Variants in OSBPL10 observed in about 807,000 individuals in gnomAD.
OSBPL10 encodes oxysterol binding protein like 10, also known as oxysterol-binding protein-related protein 10.
A neutral mutation model predicts 81.7 loss-of-function variants in OSBPL10; 49 were observed. That is an observed-to-expected ratio of 0.60 (90% confidence interval 0.48 to 0.76). The LOEUF (loss-of-function observed/expected upper bound fraction) is 0.76, where lower values mean the gene tolerates loss of function less well. Among genes scored for constraint, OSBPL10 ranks in the 30% least tolerant of loss-of-function variants. The probability of loss-of-function intolerance (pLI) is 0.00; values close to 1 mark genes in which losing one functional copy is unlikely to be tolerated. For missense variants in OSBPL10, 923 were observed against 987.8 expected (o/e 0.93, Z 0.88); for synonymous variants, 419 against 383.6 (o/e 1.09, Z -1.08).
chr3:31,820,292 G>C (rs1699949148), intron 4 of OSBPL10, among the ~76,000 whole-genome samples: 1 of 151,996 alleles, frequency 6.6e-6, no homozygotes, highest in South Asian at 2.1e-4. Flanking sequence ...TGGACTAATG[G>C]GGATATTAGA....
intron 1 of OSBPL10, among the ~76,000 whole-genome samples, chr3:31,887,813 G>A (rs1290323105): frequency 6.6e-6 from 1 of 152,022 alleles, no homozygotes; most frequent in South Asian, 2.1e-4. Context: ...TTAAAATCTG[G>A]AATCTTCTTA....
At chr3:31,754,209 C>A (rs1055203688) in intron 4 of OSBPL10, among the ~76,000 whole-genome samples, 1 of 151,990 alleles carries the variant, frequency 6.6e-6, no homozygotes, top group Non-Finnish European at 1.5e-5. Context: ...CCTGGGGACA[C>A]TGCTCCTCAT....
chr3:31,885,654 A>G (rs2125648367), intron 1 of OSBPL10, among the ~76,000 whole-genome samples: 1 of 152,148 alleles, frequency 6.6e-6, no homozygotes, highest in Non-Finnish European at 1.5e-5. Context: ...GGATTTCACC[A>G]ACAACCCTTA....
At chr3:31,844,667 A>T (rs1344630603) in intron 3 of OSBPL10, among the ~76,000 whole-genome samples, 1 of 152,244 alleles carries the variant, frequency 6.6e-6, no homozygotes, top group Non-Finnish European at 1.5e-5. Flanking sequence ...GTAACTGCAA[A>T]TGGGCACAGG....
intron 4 of OSBPL10, among the ~76,000 whole-genome samples, chr3:31,768,989 C>CA (rs956623104): frequency 6.6e-6 from 1 of 152,110 alleles, no homozygotes; most frequent in African/African-American, 2.4e-5. Context: ...CTTTGGCAGA[C>CA]ACTGCACTTT....
chr3:31,936,091 T>A (rs1210343258), intron 1 of OSBPL10, among the ~76,000 whole-genome samples: 1 of 152,192 alleles, frequency 6.6e-6, no homozygotes, highest in Non-Finnish European at 1.5e-5. Flanking sequence ...TCCCCTCTGT[T>A]CTAACATTCC....
At chr3:31,897,141 A>C (rs1696082595) in intron 1 of OSBPL10, among the ~76,000 whole-genome samples, 1 of 152,200 alleles carries the variant, frequency 6.6e-6, no homozygotes, top group African/African-American at 2.4e-5. Context: ...CAAAGAACTA[A>C]AACTTAAAAC....
At chr3:31,970,775 G>A (rs532908724) in intron 1 of OSBPL10, among the ~76,000 whole-genome samples, 1 of 149,494 alleles carries the variant, frequency 6.7e-6, no homozygotes, top group Non-Finnish European at 1.5e-5. Flanking sequence ...TGGTCTCAGC[G>A]GCTTAAGAGC....
chr3:31,729,959 T>C (rs1221992751), intron 6 of OSBPL10, among the ~76,000 whole-genome samples: 1 of 152,116 alleles, frequency 6.6e-6, no homozygotes, highest in Non-Finnish European at 1.5e-5. Context: ...CACAAATGCA[T>C]CTCCCAGTAA....
intron 4 of OSBPL10, among the ~76,000 whole-genome samples, chr3:31,776,203 A>G (rs530642198): frequency 6.6e-6 from 1 of 152,332 alleles, no homozygotes; most frequent in South Asian, 2.1e-4. Flanking sequence ...TTATGCAACA[A>G]GCACACGAAA....
intron 1 of OSBPL10, among the ~76,000 whole-genome samples, chr3:31,943,435 T>C (rs746986781): frequency 1.3e-5 from 2 of 152,074 alleles, no homozygotes; most frequent in African/African-American, 2.4e-5. Context: ...CATTCAATAG[T>C]TTTAAAAAAA....
intron 2 of OSBPL10, among the ~76,000 whole-genome samples, chr3:32,018,192 AAAAT>A (rs1303337223): frequency 2.7e-5 from 4 of 145,738 alleles, no homozygotes; most frequent in Middle Eastern, 3.5e-3. Flanking sequence ...ATAAATAAAT[AAAAT>A]GTCAAAAATT....
chr3:32,015,669 C>G (rs1015861299), intron 2 of OSBPL10, among the ~76,000 whole-genome samples: 4 of 152,166 alleles, frequency 2.6e-5, no homozygotes, highest in Non-Finnish European at 4.4e-5. Context: ...AGGCAACCTA[C>G]AGAATGGGAG....
chr3:31,876,884 A>T lies in OSBPL10; in HGVS notation c.458-372T>A, dbSNP rs114529499. On this transcript the variant is annotated intron_variant, in intron 2 of 11. Coordinates refer to ENST00000396556, the MANE Select transcript of OSBPL10 (RefSeq NM_017784.5). ...AAATGCCTCTAACCTTGTGTAGCTA[A>T]TATGAGTATCAAATGGCACTTTTTT... 8.8e-3 allele frequency among the ~76,000 whole-genome samples: 1,339 copies of T among 151,660 alleles called. 17 individuals carry two copies. Among genetic ancestry groups the T allele is most frequent in the African/African-American group, 0.03 (1,256 of 41,326 alleles).
At chr3:31,764,685 G>C (rs1413040417) in intron 4 of OSBPL10, among the ~76,000 whole-genome samples, 2 of 152,150 alleles carry the variant, frequency 1.3e-5, no homozygotes, top group African/African-American at 4.8e-5. Context: ...TGAAGCTTCA[G>C]GCTTAACCAT....
At chr3:31,911,638 A>T (rs1696582052) in intron 1 of OSBPL10, among the ~76,000 whole-genome samples, 2 of 152,120 alleles carry the variant, frequency 1.3e-5, no homozygotes, top group Admixed American at 1.3e-4. Context: ...AAAAAAAAAA[A>T]ACTCATGTTT....
intron 5 of OSBPL10, among the ~76,000 whole-genome samples, chr3:31,743,031 G>GTTTTT (rs10715360): frequency 3.1e-4 from 18 of 57,508 alleles, no homozygotes; most frequent in South Asian, 2.7e-3. Flanking sequence ...AGCTAAATTA[G>GTTTTT]TTTTTTTTTT....
Position 31,838,229 on chromosome 3 carries a change from G to T in OSBPL10, c.538-7998C>A, listed in dbSNP as rs1700407630. The stretch of plus-strand genomic sequence containing the variant: ...CCCGCTAAAAAAGCTCATATATTGT[G>T]GCCGGGCACTGTGGCTCAAGCCTGT... On this transcript the variant is annotated intron_variant, in intron 3 of 11. Transcript: ENST00000396556. Among the ~76,000 whole-genome samples, 3 of 152,248 alleles carry T rather than the reference G, an allele frequency of 2.0e-5. No individual in the cohort carries two copies. The South Asian group carries it at 6.2e-4, about 32-fold the overall frequency.
At chr3:31,835,144 C>T (rs950052159) in intron 3 of OSBPL10, among the ~76,000 whole-genome samples, 1 of 152,014 alleles carries the variant, frequency 6.6e-6, no homozygotes, top group Non-Finnish European at 1.5e-5. Flanking sequence ...TTAAGGCTTC[C>T]TTAACTTTAA....
Sources: allele counts gnomAD v4.1 joint callset (sites outside exome capture counted in the v4.1 genomes callset), GRCh38; gene constraint gnomAD v4.1.1; transcripts MANE v1.5; gene names NCBI Gene and HGNC (gene_info 2026-07-23, HGNC 2026-07-21).